The following PADI2 variants were observed in gnomAD, a reference collection of about 807,000 sequenced individuals.
PADI2 encodes protein-arginine deiminase type-2.
In PADI2, 70 loss-of-function variants were observed where a neutral mutation model predicts 81.1. The observed-to-expected ratio is 0.86, with a 90% CI of 0.71 to 1.05. PADI2 has a LOEUF of 1.05. Among genes scored for constraint, PADI2 ranks in the 50% least tolerant of loss-of-function variants. PADI2 has a pLI of 0.00. For missense variants in PADI2, 853 were observed against 889.9 expected (o/e 0.96, Z 0.53); for synonymous variants, 338 against 358.0 (o/e 0.94, Z 0.63).
At chr1:17,095,861 C>A in intron 4 of PADI2, 48 bp downstream of exon 4, 1 of 1,496,496 alleles carries the variant, frequency 6.7e-7, no homozygotes, top group Non-Finnish European at 9.2e-7. Context: ...GGGCTGTGCC[C>A]TCGGAAGCCC....
intron 6 of PADI2, among the ~76,000 whole-genome samples, chr1:17,090,245 A>G (rs1930636090): frequency 6.6e-6 from 1 of 152,212 alleles, no homozygotes; most frequent in Non-Finnish European, 1.5e-5. Context: ...TGCCTGACAC[A>G]CCTTCCTCAT....
At chr1:17,086,999 T>C (rs1930492679) in intron 6 of PADI2, among the ~76,000 whole-genome samples, 1 of 152,138 alleles carries the variant, frequency 6.6e-6, no homozygotes, top group Non-Finnish European at 1.5e-5. Context: ...GCTGAGCAGT[T>C]AGTGGTTCCA....
intron 1 of PADI2, 61 bp from the exon 2 acceptor site, chr1:17,105,122 C>T (rs1931322857): frequency 3.2e-6 from 4 of 1,265,000 alleles, no homozygotes; most frequent in Admixed American, 2.5e-5. Flanking sequence ...TGAGGGGCTT[C>T]AAGAGGAGAC....
At chr1:17,087,354 C>T (rs1930508817) in intron 6 of PADI2, among the ~76,000 whole-genome samples, 1 of 152,126 alleles carries the variant, frequency 6.6e-6, no homozygotes, top group East Asian at 1.9e-4. Flanking sequence ...CAATTGTGTC[C>T]CTTCTTCCTT....
At position 17,105,050 on chromosome 1, in the gene PADI2, G is replaced by T. The variant is rs749377201; in HGVS notation, c.104C>A (p.Ala35Asp). The T allele has an allele frequency of 1.3e-6, 2 of 1,578,922 alleles. No homozygotes were observed. Among genetic ancestry groups the T allele is most frequent in the South Asian group, 1.1e-5 (1 of 88,794 alleles). The change falls in exon 2 of 16, where the codon GCC becomes GAC. Residue 35 changes from alanine to aspartate, a missense_variant. Transcript: ENST00000375486. ...LWTDVYSAAP[A>D]GAQTFSLKHS... ...CTTCAGGCTGAAGGTTTGGGCCCCG[G>T]CTGGGGCCGCGCTGTGGGGAGAGAT... is the stretch of plus-strand genomic sequence containing the variant.
chr1:17,073,464 A>C (rs1440127989), intron 13 of PADI2, among the ~76,000 whole-genome samples: 1 of 151,720 alleles, frequency 6.6e-6, no homozygotes, highest in African/African-American at 2.4e-5. Flanking sequence ...GCTGATGGTT[A>C]GTCAGCATTG....
At chr1:17,071,266 G>A (rs2101569623) in intron 14 of PADI2, 140 bp downstream of exon 14, 2 of 613,586 alleles carry the variant, frequency 3.3e-6, no homozygotes, top group Non-Finnish European at 2.9e-6. Context: ...GCTGGTGGAG[G>A]CTCTTCCCTG....
rs757179565 is a variant in PADI2, at chr1:17,093,628, G to A, written c.468C>T (p.Asp156=). 3.7e-6 allele frequency: 6 copies of A among 1,613,922 alleles called. No homozygotes were observed. In the African/African-American group the frequency reaches 6.7e-5, roughly 18 times the overall value. ...GQGAILLVNC[D]RETPWLPKED... ...CCTTGGGCAACCAGGGTGTCTCTCG[G>A]TCACAGTTCACCAGCAGGATGGCCC... The change falls in exon 5 of 16, where the codon GAC becomes GAT. Residue 156 remains aspartate, a synonymous_variant. Transcript: ENST00000375486.
intron 11 of PADI2, among the ~76,000 whole-genome samples, chr1:17,076,812 C>T (rs774821162): frequency 1.3e-5 from 2 of 152,038 alleles, no homozygotes; most frequent in African/African-American, 4.8e-5. Context: ...CTCTTGACTT[C>T]GTGATCTGCC....
At position 17,082,419 on chromosome 1, in the gene PADI2, AG is replaced by A. The variant is rs942662984; in HGVS notation, c.1158+125del. On this transcript the variant is annotated intron_variant, in intron 10 of 15. Transcript: ENST00000375486. Reference sequence around the variant, plus strand: ...GCTATCCCAAGTGGACTCATTTTGCAGAGGAGAAACAGAGGCTCTGGGCAGC... The same window carrying A: ...GCTATCCCAAGTGGACTCATTTTGCAAGGAGAAACAGAGGCTCTGGGCAGC... 1.9e-5 allele frequency: 13 copies of A among 676,576 alleles called. No individual in the cohort carries two copies. In the African/African-American group the frequency reaches 2.3e-4, roughly 12 times the overall value. The allele number at this position is 676,576 out of a possible 1,614,324, so 41.9% of individuals were successfully genotyped here. A position where few individuals can be genotyped will look rare whatever the true frequency, so the allele number is the denominator to read the frequency against.
At position 17,113,461 on chromosome 1, in the gene PADI2, G is replaced by A. The variant is rs1014860679; in HGVS notation, c.92+5819C>T. On this transcript the variant is annotated intron_variant, in intron 1 of 15. Coordinates refer to ENST00000375486, the MANE Select transcript of PADI2 (RefSeq NM_007365.3). Reference sequence around the variant, plus strand: ...TGAGGCCCCTAGAGGGCAAGCACCCGCTTCAAATCTCAGGGACAGTCATGG... The same window carrying A: ...TGAGGCCCCTAGAGGGCAAGCACCCACTTCAAATCTCAGGGACAGTCATGG... Among the ~76,000 whole-genome samples the A allele has an allele frequency of 4.6e-5, 7 of 152,212 alleles. No homozygotes were observed. In the East Asian group the frequency reaches 5.8e-4, roughly 13 times the overall value.
chr1:17,087,516 T>TTTA (rs1930517175), intron 6 of PADI2, among the ~76,000 whole-genome samples: 1 of 38,124 alleles, frequency 2.6e-5, no homozygotes, highest in African/African-American at 9.6e-5. Flanking sequence ...TTATTTATTT[T>TTTA]TTGAGACAGA....
chr1:17,103,939 G>A (rs528173456), intron 2 of PADI2, among the ~76,000 whole-genome samples: 93 of 151,874 alleles, frequency 6.1e-4, no homozygotes, highest in African/African-American at 2.1e-3. Context: ...AGCTATGATC[G>A]CACCACTGCA....
intron 1 of PADI2, among the ~76,000 whole-genome samples, chr1:17,118,395 C>A (rs1249559692): frequency 1.3e-5 from 2 of 152,062 alleles, no homozygotes; most frequent in Non-Finnish European, 2.9e-5. Context: ...ATAACCCCAC[C>A]CTTTCATTCA....
At chr1:17,090,557 G>C (rs1299968056) in intron 6 of PADI2, among the ~76,000 whole-genome samples, 2 of 149,782 alleles carry the variant, frequency 1.3e-5, no homozygotes, top group Admixed American at 6.7e-5. Flanking sequence ...CTGTGCTCCT[G>C]GTCAATTATC....
chr1:17,083,532 A>T (rs2101584188), intron 9 of PADI2, 194 bp downstream of exon 9: 1 of 569,030 alleles, frequency 1.8e-6, no homozygotes, highest in Non-Finnish European at 3.1e-6. Context: ...TTGCTTTGCA[A>T]TCTTTTGCTA....
chr1:17,082,875 A>ATTT, intron 9 of PADI2: 7 of 369,322 alleles, frequency 1.9e-5, no homozygotes, highest in Non-Finnish European at 2.9e-5. Flanking sequence ...TATCAGCCCC[A>ATTT]TTTTTTTTTT....
In PADI2 at chr1:17,071,079, C is replaced by T. The variant is rs564066720; in HGVS notation, c.1635+327G>A. Among the ~76,000 whole-genome samples the T allele has an allele frequency of 3.9e-5, 6 of 152,310 alleles. No individual in the cohort carries two copies. The East Asian group carries it at 1.2e-3, about 29-fold the overall frequency. ...TTGGCTTCCCAAAGTTCTGAGATTA[C>T]AGGCATGAGACACTGTGTCTGGCCC... On this transcript the variant is annotated intron_variant, in intron 14 of 15. Transcript: ENST00000375486.
intron 1 of PADI2, among the ~76,000 whole-genome samples, chr1:17,105,749 T>G: frequency 6.6e-6 from 1 of 152,110 alleles, no homozygotes; most frequent in South Asian, 2.1e-4. Flanking sequence ...CCCCCACAGG[T>G]AATCTGATCT....
Sources: gnomAD v4.1 joint callset for allele counts (sites outside exome capture counted in the v4.1 genomes callset) on GRCh38, gnomAD v4.1.1 for gene constraint, MANE v1.5 for transcripts, NCBI Gene and HGNC (gene_info 2026-07-23, HGNC 2026-07-21) for gene names.